TTC39B: variants seen among roughly 807,000 people sequenced by gnomAD.
The protein encoded by TTC39B is tetratricopeptide repeat protein 39B.
A neutral mutation model predicts 96.6 loss-of-function variants in TTC39B; 92 were observed. That is an observed-to-expected ratio of 0.95 (90% CI 0.80 to 1.13). The LOEUF (loss-of-function observed/expected upper bound fraction) is 1.13, where lower values mean the gene tolerates loss of function less well. Ranked by LOEUF, TTC39B falls within the 50% of genes most tolerant of loss-of-function variation. The probability of loss-of-function intolerance (pLI) is 0.00; values close to 1 mark genes in which losing one functional copy is unlikely to be tolerated. For synonymous variants in TTC39B, 367 were observed against 299.4 expected (o/e 1.23, Z -2.33); for missense variants, 955 against 809.3 (o/e 1.18, Z -2.18).
At chr9:15,288,200 G>A (rs10961957) in intron 1 of TTC39B, among the ~76,000 whole-genome samples, 1 of 151,854 alleles carries the variant, frequency 6.6e-6, no homozygotes, top group African/African-American at 2.4e-5. Flanking sequence ...ATGGACAGGA[G>A]ACAGGGAAAT....
chr9:15,202,062 C>T (rs1187422640), intron 7 of TTC39B, among the ~76,000 whole-genome samples: 1 of 152,144 alleles, frequency 6.6e-6, no homozygotes, highest in Non-Finnish European at 1.5e-5. Context: ...GACGGAGCTG[C>T]ACAATCTTTA....
chr9:15,287,891 A>C (rs897472640), intron 1 of TTC39B, among the ~76,000 whole-genome samples: 5 of 138,770 alleles, frequency 3.6e-5, no homozygotes, highest in Admixed American at 1.6e-4. Context: ...GCTTGCAGTG[A>C]GCCGATATGG....
intron 2 of TTC39B, among the ~76,000 whole-genome samples, chr9:15,260,797 A>C (rs1348162584): frequency 1.4e-5 from 2 of 147,530 alleles, no homozygotes; most frequent in African/African-American, 5.4e-5. Context: ...TTTTATTTCT[A>C]TTGTAAGCTT....
At chr9:15,236,375 G>C (rs1236767406) in intron 2 of TTC39B, among the ~76,000 whole-genome samples, 1 of 152,176 alleles carries the variant, frequency 6.6e-6, no homozygotes, top group African/African-American at 2.4e-5. Flanking sequence ...ATTATAGTGA[G>C]GGACTTCAAC....
At chr9:15,180,363 A>G (rs1039956676) in intron 17 of TTC39B, among the ~76,000 whole-genome samples, 2 of 152,244 alleles carry the variant, frequency 1.3e-5, no homozygotes, top group Non-Finnish European at 2.9e-5. Context: ...TTCTGGTTAC[A>G]TGTTGAATTT....
At chr9:15,197,660 C>A (rs939440222) in intron 8 of TTC39B, among the ~76,000 whole-genome samples, 1 of 151,870 alleles carries the variant, frequency 6.6e-6, no homozygotes, top group Non-Finnish European at 1.5e-5. Context: ...AAAATTATGA[C>A]CACAAATTTC....
At chr9:15,256,995 T>C (rs1822774239) in intron 2 of TTC39B, among the ~76,000 whole-genome samples, 1 of 152,314 alleles carries the variant, frequency 6.6e-6, no homozygotes, top group Non-Finnish European at 1.5e-5. Context: ...ACTCTTGTCC[T>C]GATTCACACA....
chr9:15,218,098 C>G (rs923717602), intron 3 of TTC39B, among the ~76,000 whole-genome samples: 13 of 147,602 alleles, frequency 8.8e-5, no homozygotes, highest in Non-Finnish European at 1.5e-4. Context: ...ATCCCAACCA[C>G]TGCGGAGGTT....
chr9:15,191,362 G>C, intron 9 of TTC39B, 107 bp from the exon 10 acceptor site: 1 of 711,454 alleles, frequency 1.4e-6, no homozygotes, highest in South Asian at 2.1e-5. Flanking sequence ...TGAGAAATTG[G>C]GAACAAGTTT....
At chr9:15,220,554 G>A (rs1256847278) in intron 3 of TTC39B, among the ~76,000 whole-genome samples, 4 of 152,136 alleles carry the variant, frequency 2.6e-5, no homozygotes, top group Admixed American at 2.6e-4. Context: ...AAATGCAGAT[G>A]TAAAAGGTAA....
intron 18 of TTC39B, among the ~76,000 whole-genome samples, chr9:15,175,887 A>G (rs955627722): frequency 1.1e-4 from 16 of 152,242 alleles, no homozygotes; most frequent in Non-Finnish European, 1.3e-4. Flanking sequence ...TGGGATCCTT[A>G]CAGGACTACT....
At chr9:15,284,209 T>C (rs2131588771) in intron 1 of TTC39B, among the ~76,000 whole-genome samples, 1 of 152,380 alleles carries the variant, frequency 6.6e-6, no homozygotes, top group Non-Finnish European at 1.5e-5. Context: ...AAAGTCATAT[T>C]ATTTTTGTCC....
rs368801714 is a variant in TTC39B at position 15,201,314 on chromosome 9, A to T, written c.760-1389T>A. Among the ~76,000 whole-genome samples, 11 of 152,258 alleles carry T rather than the reference A, an allele frequency of 7.2e-5. No individual in the cohort carries two copies. In the South Asian group the frequency reaches 2.3e-3, roughly 32 times the overall value. ...TCAGGATTCATCAAACTTAAACTTA[A>T]TGCCTATTTTATACCAGGCACCCAA... On this transcript the variant is annotated intron_variant, in intron 7 of 19. Coordinates refer to ENST00000512701, the Ensembl canonical transcript of TTC39B.
At chr9:15,289,911 G>C (rs1824121277) in intron 1 of TTC39B, among the ~76,000 whole-genome samples, 1 of 152,122 alleles carries the variant, frequency 6.6e-6, no homozygotes, top group Non-Finnish European at 1.5e-5. Flanking sequence ...GTGGGCAGGA[G>C]TAATTCATAC....
chr9:15,273,102 A>T (rs1447000334), intron 1 of TTC39B, among the ~76,000 whole-genome samples: 1 of 152,236 alleles, frequency 6.6e-6, no homozygotes, highest in Non-Finnish European at 1.5e-5. Flanking sequence ...TGCATGCAAG[A>T]ACATTTGAGT....
intron 1 of TTC39B, among the ~76,000 whole-genome samples, chr9:15,280,134 G>A (rs1392068754): frequency 6.6e-6 from 1 of 152,134 alleles, no homozygotes; most frequent in African/African-American, 2.4e-5. Flanking sequence ...CTGGCCTCAA[G>A]TAATCGGCCC....
At chr9:15,283,849 T>C (rs142317904) in intron 1 of TTC39B, among the ~76,000 whole-genome samples, 2 of 152,262 alleles carry the variant, frequency 1.3e-5, no homozygotes, top group Admixed American at 6.5e-5. Flanking sequence ...TATACAAGTT[T>C]CCATATAAAG....
At chr9:15,267,253 T>C (rs1191352292) in intron 2 of TTC39B, among the ~76,000 whole-genome samples, 1 of 152,198 alleles carries the variant, frequency 6.6e-6, no homozygotes, top group African/African-American at 2.4e-5. Flanking sequence ...TATTGTTGAT[T>C]AAGCCACCCA....
chr9:15,284,775 G>A (rs1823895594), intron 1 of TTC39B, among the ~76,000 whole-genome samples: 1 of 152,020 alleles, frequency 6.6e-6, no homozygotes, highest in South Asian at 2.1e-4. Context: ...AATCATGTTT[G>A]GCTTCTGAAG....
Sources: gnomAD v4.1 joint callset for allele counts (sites outside exome capture counted in the v4.1 genomes callset) on GRCh38, gnomAD v4.1.1 for gene constraint, MANE v1.5 for transcripts, NCBI Gene and HGNC (gene_info 2026-07-23, HGNC 2026-07-21) for gene names.